ZFHX3: variants seen among roughly 807,000 people sequenced by gnomAD.
ZFHX3 encodes the protein zinc finger homeobox protein 3.
In ZFHX3, 42 loss-of-function variants were observed where a neutral mutation model predicts 279.1. The observed-to-expected ratio is 0.15, with a 90% CI of 0.12 to 0.19. The LOEUF is 0.19. Among genes scored for constraint, ZFHX3 ranks in the 10% least tolerant of loss-of-function variants. The pLI is 1.00. For synonymous variants in ZFHX3, 2,293 were observed against 1,957.8 expected, an observed-to-expected ratio of 1.17 and a Z score of -4.52; for missense variants, 4,981 against 4,754.0, an observed-to-expected ratio of 1.05 and a Z score of -1.40.
chr16:72,851,419 A>T (rs1482746678), intron 4 of ZFHX3, among the ~76,000 whole-genome samples: 1 of 152,096 alleles, frequency 6.6e-6, no homozygotes, highest in Admixed American at 6.5e-5. Flanking sequence ...CAGAGAGAGT[A>T]CTCTTGGGTT....
chr16:72,963,957 A>AG (rs1396015268), intron 1 of ZFHX3, among the ~76,000 whole-genome samples: 1 of 152,228 alleles, frequency 6.6e-6, no homozygotes, highest in African/African-American at 2.4e-5. Context: ...AGGGAAACAA[A>AG]GGGGAAGGGA....
chr16:73,366,902 T>C (rs1036291888), intron 3 of ZFHX3, among the ~76,000 whole-genome samples: 1 of 152,184 alleles, frequency 6.6e-6, no homozygotes, highest in Non-Finnish European at 1.5e-5. Flanking sequence ...TTCTTTGACA[T>C]AGCTGAAAAG....
At chr16:73,688,284 G>A (rs1191200319) in intron 1 of ZFHX3, among the ~76,000 whole-genome samples, 1 of 151,348 alleles carries the variant, frequency 6.6e-6, no homozygotes, top group African/African-American at 2.4e-5. Context: ...TTGAACCCGG[G>A]AGGCAGAGGT....
At chr16:73,503,991 G>A (rs186480683) in intron 2 of ZFHX3, among the ~76,000 whole-genome samples, 267 of 152,248 alleles carry the variant, frequency 1.8e-3, no homozygotes, top group African/African-American at 6.0e-3. Context: ...ACAACAAAAG[G>A]TGGAAAAGGG....
At chr16:73,745,967 C>T (rs1452648670) in intron 1 of ZFHX3, among the ~76,000 whole-genome samples, 3 of 152,190 alleles carry the variant, frequency 2.0e-5, no homozygotes, top group Admixed American at 2.0e-4. Flanking sequence ...GACTCTCATA[C>T]TTTCTGAATG....
chr16:73,200,022 G>T (rs1278077610), intron 5 of ZFHX3, among the ~76,000 whole-genome samples: 2 of 152,096 alleles, frequency 1.3e-5, no homozygotes, highest in African/African-American at 4.8e-5. Flanking sequence ...TGCCTTTGTT[G>T]TAATCAAGGT....
chr16:72,793,221 T>G lies in ZFHX3; in HGVS notation c.9427+34A>C. On this transcript the variant is annotated intron_variant, in intron 9 of 9. Transcript: ENST00000268489. This position sits in a 1 kb window ranked among gnomAD's most constrained non-coding sequence, Gnocchi z 4.3. ...ACAGAATGCTGACTGGGCAGCTATT[T>G]AGCCCTGAAACAATCGCCTAGAGCA... The G allele has an allele frequency of 6.4e-7, 1 of 1,567,734 alleles. No homozygotes were observed. The highest frequency in any genetic ancestry group is 1.7e-4 in the Middle Eastern group (1 of 5,802).
intron 3 of ZFHX3, among the ~76,000 whole-genome samples, chr16:73,443,446 T>C (rs1281277847): frequency 6.6e-5 from 10 of 152,210 alleles, no homozygotes; most frequent in Admixed American, 6.5e-4. Flanking sequence ...AGATGATAGT[T>C]TCTTCTCTGA....
chr16:73,069,413 T>A (rs1023135924), intron 8 of ZFHX3, among the ~76,000 whole-genome samples: 3 of 152,142 alleles, frequency 2.0e-5, no homozygotes, highest in African/African-American at 7.2e-5. Context: ...CAGGTGCAAC[T>A]AAAGCCAACT....
chr16:73,868,895 T>C (rs778840267), intron 1 of ZFHX3, among the ~76,000 whole-genome samples: 8 of 152,316 alleles, frequency 5.3e-5, no homozygotes, highest in Non-Finnish European at 8.8e-5. Flanking sequence ...AAAGCAGCTA[T>C]TGACCTGCTT....
intron 2 of ZFHX3, among the ~76,000 whole-genome samples, chr16:73,518,017 A>G (rs1418695251): frequency 6.6e-6 from 1 of 152,228 alleles, no homozygotes; most frequent in Non-Finnish European, 1.5e-5. Context: ...TCAACACATA[A>G]TCAACGTAAA....
intron 2 of ZFHX3, among the ~76,000 whole-genome samples, chr16:73,679,242 C>T (rs1168263098): frequency 6.6e-6 from 1 of 152,054 alleles, no homozygotes; most frequent in Non-Finnish European, 1.5e-5. Context: ...CATGCATTCA[C>T]CACTGTACCC....
At chr16:73,771,476 T>C (rs998425424) in intron 1 of ZFHX3, among the ~76,000 whole-genome samples, 6 of 152,198 alleles carry the variant, frequency 3.9e-5, no homozygotes, top group African/African-American at 1.4e-4. Context: ...TGTAAAGCAA[T>C]GGTCAGTAAG....
chr16:73,002,406 C>G (rs1963531437), intron 1 of ZFHX3, among the ~76,000 whole-genome samples: 1 of 152,110 alleles, frequency 6.6e-6, no homozygotes, highest in Non-Finnish European at 1.5e-5. Flanking sequence ...GAAGGTAGAT[C>G]AGAGCGTCTT....
At chr16:73,295,083 C>G (rs970934268) in intron 4 of ZFHX3, among the ~76,000 whole-genome samples, 1 of 151,680 alleles carries the variant, frequency 6.6e-6, no homozygotes, top group South Asian at 2.1e-4. Context: ...GGCATGGTGG[C>G]AGGTGCCTGT....
chr16:73,834,747 T>G (rs1961091548), intron 1 of ZFHX3, among the ~76,000 whole-genome samples: 1 of 152,116 alleles, frequency 6.6e-6, no homozygotes, highest in Non-Finnish European at 1.5e-5. Context: ...AAAATTTAGC[T>G]GGGCATGGTG....
At chr16:73,702,368 C>T (rs1268165869) in intron 1 of ZFHX3, among the ~76,000 whole-genome samples, 4 of 152,088 alleles carry the variant, frequency 2.6e-5, no homozygotes, top group Non-Finnish European at 4.4e-5. Context: ...ATGGGACACA[C>T]GGCAGACAAT....
At chr16:73,393,079 C>T (rs969331066) in intron 3 of ZFHX3, among the ~76,000 whole-genome samples, 2 of 152,208 alleles carry the variant, frequency 1.3e-5, no homozygotes, top group African/African-American at 4.8e-5. Flanking sequence ...AGGTGACCTG[C>T]CCACCTTGGC....
At chr16:73,859,561 T>C (rs1346291983) in intron 1 of ZFHX3, among the ~76,000 whole-genome samples, 1 of 152,168 alleles carries the variant, frequency 6.6e-6, no homozygotes, top group Non-Finnish European at 1.5e-5. Flanking sequence ...GCAGAGGATG[T>C]CTAGGTCCAG....
Sources: allele counts gnomAD v4.1 joint callset (sites outside exome capture counted in the v4.1 genomes callset), GRCh38; gene constraint gnomAD v4.1.1; non-coding constraint Gnocchi (gnomAD v3.1); transcripts MANE v1.5; gene names NCBI Gene and HGNC (gene_info 2026-07-23, HGNC 2026-07-21).